The following TSEN2 variants were observed in gnomAD, a reference collection of about 807,000 sequenced individuals.
TSEN2 encodes the protein tRNA-splicing endonuclease subunit Sen2.
A neutral mutation model predicts 59.2 loss-of-function variants in TSEN2; 54 were observed. The ratio of observed to expected loss-of-function variants is 0.91; its 90% confidence interval spans 0.73 to 1.14. The LOEUF (loss-of-function observed/expected upper bound fraction) is 1.14. Among genes scored for constraint, TSEN2 ranks in the 50% most tolerant of loss-of-function variants. The pLI, the probability that TSEN2 is intolerant of heterozygous loss-of-function variation, is 0.00. For missense variants in TSEN2, 636 were observed against 576.2 expected (o/e 1.10, Z -1.06); for synonymous variants, 195 against 198.2 (o/e 0.98, Z 0.14).
At position 12,525,189 on chromosome 3, in the gene TSEN2, C is replaced by T. The variant is rs187398752; in HGVS notation, c.1100-3699C>T. Among the ~76,000 whole-genome samples, 766 of 152,204 alleles carry T rather than the reference C, an allele frequency of 5.0e-3. 4 individuals carry two copies. Among genetic ancestry groups the T allele is most frequent in the Admixed American group, 6.9e-3 (105 of 15,282 alleles). On this transcript the variant is annotated intron_variant, in intron 8 of 11. Coordinates refer to ENST00000284995, the MANE Select transcript of TSEN2 (RefSeq NM_025265.4). ...CTCAAGCTCGGGTTCTCTTAGCACACGTAGGTGATGTGTGTGCTTATTGGA... is the reference window on the plus strand; with the variant it reads ...CTCAAGCTCGGGTTCTCTTAGCACATGTAGGTGATGTGTGTGCTTATTGGA...
At position 12,525,780 on chromosome 3, in the gene TSEN2, G is replaced by A. The variant is rs529311419; in HGVS notation, c.1100-3108G>A. On this transcript the variant is annotated intron_variant, in intron 8 of 11. Coordinates refer to ENST00000284995, the MANE Select transcript of TSEN2 (RefSeq NM_025265.4). The stretch of plus-strand genomic sequence containing the variant: ...GGGTTTCAATGTGTTGGCCAGGCTG[G>A]TCTCAAACTCCTGGCCTCAAATGAT... Among the ~76,000 whole-genome samples the A allele has an allele frequency of 3.2e-3, 482 of 151,416 alleles. 4 individuals carry two copies. Among genetic ancestry groups the A allele is most frequent in the African/African-American group, 0.011 (452 of 41,334 alleles).
At position 12,489,988 on chromosome 3, in the gene TSEN2, A is replaced by G. The variant is rs753395791; in HGVS notation, c.188A>G (p.Lys63Arg). 4.3e-6 allele frequency: 7 copies of G among 1,614,106 alleles called. No individual in the cohort carries two copies. The Admixed American group carries it at 1.2e-4, about 27-fold the overall frequency. ...NAEDIEQLYG[K>R]GYFGKGILSR... ...GAGGACATTGAGCAGCTCTATGGGA[A>G]AGTAAGTGCAGGCAGCCTTGGTAAG... is the stretch of plus-strand genomic sequence containing the variant. The change falls in exon 2 of 12, where the codon AAA (lysine) becomes AGA (arginine). Residue 63 changes from lysine to arginine, a missense_variant and splice_region_variant. Lys to Arg is a conservative substitution (Grantham distance 26). Coordinates refer to ENST00000284995, the MANE Select transcript of TSEN2 (RefSeq NM_025265.4).
At chr3:12,535,450 T>C (rs2057654195), downstream of TSEN2, among the ~76,000 whole-genome samples, 2 of 152,228 alleles carry the variant, frequency 1.3e-5, no homozygotes, top group South Asian at 4.1e-4. Flanking sequence ...GTATGATCTC[T>C]TAAGTGAAAG....
At chr3:12,501,249 A>G (rs1261215679) in intron 4 of TSEN2, among the ~76,000 whole-genome samples, 11 of 152,194 alleles carry the variant, frequency 7.2e-5, no homozygotes, top group Admixed American at 7.2e-4. Context: ...AGGTGGTAGT[A>G]CTCATCTCCA....
In TSEN2 at chr3:12,532,705, A is replaced by G; in HGVS notation, c.1382A>G (p.Asp461Gly). Residue 461 changes from aspartate (D) to glycine (G), a missense_variant, in exon 12 of 12, where the codon GAC (aspartate) becomes GGC (glycine). Physicochemically the swap from Asp to Gly is moderately conservative, Grantham distance 94. Transcript: ENST00000284995. ...SRWVSSRERSDQDDL is the reference protein window; with the variant it reads ...SRWVSSRERSGQDDL The stretch of plus-strand genomic sequence containing the variant: ...TGGGTTTCTTCACGAGAGAGGAGTG[A>G]CCAAGACGATCTTTAACAATTCAAC... 1.9e-6 allele frequency: 3 copies of G among 1,614,136 alleles called. No individual in the cohort carries two copies. The highest frequency in any genetic ancestry group is 2.5e-6 in the Non-Finnish European group (3 of 1,180,016).
intron 4 of TSEN2, among the ~76,000 whole-genome samples, chr3:12,497,620 C>A (rs1258941897): frequency 6.6e-6 from 1 of 152,194 alleles, no homozygotes; most frequent in Non-Finnish European, 1.5e-5. Flanking sequence ...ATAGCAGCAG[C>A]TCGCCCATCA....
intron 2 of TSEN2, among the ~76,000 whole-genome samples, chr3:12,491,479 G>A (rs936436278): frequency 5.3e-5 from 8 of 152,148 alleles, no homozygotes; most frequent in African/African-American, 1.9e-4. Flanking sequence ...TGGACCTAGT[G>A]GGCAGCATGG....
intron 11 of TSEN2, 92 bp downstream of exon 11, chr3:12,531,751 C>A: frequency 2.2e-6 from 2 of 901,350 alleles, no homozygotes. Flanking sequence ...TACATGAATA[C>A]AGTTTTGCCT....
chr3:12,485,281 C>T (rs191484075), intron 1 of TSEN2, among the ~76,000 whole-genome samples: 3 of 152,286 alleles, frequency 2.0e-5, no homozygotes, highest in Non-Finnish European at 4.4e-5. Context: ...CCACCTCTCC[C>T]TTTTTTGTTT....
rs766634932 is a variant in TSEN2 at position 12,503,512 on chromosome 3, C to T, written c.559C>T (p.Arg187Cys). The change falls in exon 5 of 12, where the codon CGT (arginine) becomes TGT (cysteine). Residue 187 changes from arginine (R) to cysteine (C), a missense_variant. Physicochemically the swap from Arg to Cys is radical, Grantham distance 180. Transcript: ENST00000284995. ...SGKSGGVGDP[R>C]EPLGCLQEGS... ...AAAGTCAGGTGGTGTGGGTGATCCCCGTGAGCCATTAGGCTGCCTGCAGGA... is the reference window on the plus strand; with the variant it reads ...AAAGTCAGGTGGTGTGGGTGATCCCTGTGAGCCATTAGGCTGCCTGCAGGA... The T allele has an allele frequency of 1.1e-5, 17 of 1,613,906 alleles. No individual in the cohort carries two copies. In the East Asian group the frequency reaches 1.1e-4, roughly 11 times the overall value.
At chr3:12,491,209 C>T (rs969659740) in intron 2 of TSEN2, among the ~76,000 whole-genome samples, 3 of 152,140 alleles carry the variant, frequency 2.0e-5, no homozygotes, top group Non-Finnish European at 4.4e-5. Flanking sequence ...CCAGGCTGGT[C>T]TTGAACCCCT....
At chr3:12,530,749 G>A in intron 10 of TSEN2, 1 of 985,274 alleles carries the variant, frequency 1.0e-6, no homozygotes. Context: ...TAGGGGACTT[G>A]TAGCATATAC....
At chr3:12,511,157 G>T (rs180863289) in intron 6 of TSEN2, 174 of 152,448 alleles carry the variant, frequency 1.1e-3, no homozygotes, top group African/African-American at 3.8e-3. Flanking sequence ...GCCCAACACT[G>T]CTTAGCTTCT....
At chr3:12,527,832 C>CT (rs2057212351) in intron 8 of TSEN2, among the ~76,000 whole-genome samples, 1 of 152,156 alleles carries the variant, frequency 6.6e-6, no homozygotes, top group African/African-American at 2.4e-5. Flanking sequence ...GTACGGGAGA[C>CT]TGAGAGCTGT....
chr3:12,527,456 C>CTTTTTTTTTTTTTTTT (rs757613935), intron 8 of TSEN2, among the ~76,000 whole-genome samples: 2 of 132,094 alleles, frequency 1.5e-5, no homozygotes, highest in Non-Finnish European at 1.6e-5. Flanking sequence ...TTTTTTTTTT[C>CTTTTTTTTTTTTTTTT]TTTTTTTTTT....
Position 12,506,809 on chromosome 3 carries a change from G to A in TSEN2, c.909+1578G>A. 5 of 985,358 alleles carry A rather than the reference G, an allele frequency of 5.1e-6. No individual in the cohort carries two copies. In the South Asian group the frequency reaches 1.9e-4, roughly 37 times the overall value. The allele number at this position is 985,358 out of a possible 1,614,324, so 61.0% of individuals were successfully genotyped here. A position where few individuals can be genotyped will look rare whatever the true frequency, so the allele number is the denominator to read the frequency against. On this transcript the variant is annotated intron_variant, in intron 6 of 11. Coordinates refer to ENST00000284995, the MANE Select transcript of TSEN2 (RefSeq NM_025265.4). ...ATGGCTTTCTTTGATAGTTCCTGCA[G>A]TGTCCAGTGTGGTTCTTGGCATACA... is the stretch of plus-strand genomic sequence containing the variant.
At chr3:12,487,660 T>C (rs2052758664) in intron 1 of TSEN2, among the ~76,000 whole-genome samples, 1 of 152,094 alleles carries the variant, frequency 6.6e-6, no homozygotes, top group Non-Finnish European at 1.5e-5. Flanking sequence ...GTGTTTATTT[T>C]CAGTTTTAGA....
intron 4 of TSEN2, among the ~76,000 whole-genome samples, chr3:12,501,028 T>G (rs2054234612): frequency 6.6e-6 from 1 of 152,230 alleles, no homozygotes; most frequent in Non-Finnish European, 1.5e-5. Flanking sequence ...CACAAAAATT[T>G]GTGTTCAAAT....
chr3:12,511,559 G>A (rs1415731120), intron 6 of TSEN2, among the ~76,000 whole-genome samples: 3 of 141,388 alleles, frequency 2.1e-5, no homozygotes, highest in African/African-American at 8.2e-5. Flanking sequence ...AGAAAACAAG[G>A]ATAATTATGC....
Sources: gnomAD v4.1 joint callset for allele counts (sites outside exome capture counted in the v4.1 genomes callset) on GRCh38, gnomAD v4.1.1 for gene constraint, MANE v1.5 for transcripts, NCBI Gene and HGNC (gene_info 2026-07-23, HGNC 2026-07-21) for gene names.